The following NALF1 variants were observed in gnomAD, a reference collection of about 807,000 sequenced individuals.
NALF1 encodes the protein NALCN channel auxiliary factor 1, also known as family with sequence similarity 155 member A.
In NALF1, 3 loss-of-function variants were observed where a neutral mutation model predicts 48.4. The observed-to-expected ratio is 0.06, with a 90% confidence interval of 0.03 to 0.16. The LOEUF (loss-of-function observed/expected upper bound fraction) is 0.16, where lower values mean the gene tolerates loss of function less well. NALF1 is among the 10% of genes least tolerant of loss of function. The probability of loss-of-function intolerance (pLI) is 1.00; values close to 1 mark genes in which losing one functional copy is unlikely to be tolerated. For missense variants in NALF1, 526 were observed against 571.5 expected (o/e 0.92, Z 0.81); for synonymous variants, 262 against 245.7 (o/e 1.07, Z -0.62).
At chr13:107,784,070 C>T (rs372469371) in intron 1 of NALF1, among the ~76,000 whole-genome samples, 2 of 152,006 alleles carry the variant, frequency 1.3e-5, no homozygotes, top group African/African-American at 4.8e-5. Flanking sequence ...TGAAGAGGTG[C>T]CAGCTGTAGA....
intron 1 of NALF1, among the ~76,000 whole-genome samples, chr13:107,838,933 T>C (rs1253140668): frequency 2.0e-5 from 3 of 152,136 alleles, no homozygotes; most frequent in Non-Finnish European, 4.4e-5. Context: ...GGATTAACAG[T>C]TCTTCTTCAC....
rs79364707 is a variant in NALF1 at position 107,471,172 on chromosome 13, G to A, written c.916-260417C>T. Among the ~76,000 whole-genome samples, 20 of 152,256 alleles carry A rather than the reference G, an allele frequency of 1.3e-4. No individual in the cohort carries two copies. The East Asian group carries it at 2.7e-3, about 21-fold the overall frequency. On this transcript the variant is annotated intron_variant, in intron 1 of 2. Transcript: ENST00000375915. ...TGTATAACTTATGGCATGTGTGTGCGCATAACGCTATTTATTGCCGTAACC... is the reference window on the plus strand; with the variant it reads ...TGTATAACTTATGGCATGTGTGTGCACATAACGCTATTTATTGCCGTAACC...
At chr13:107,486,693 A>T (rs937670384) in intron 1 of NALF1, among the ~76,000 whole-genome samples, 1 of 152,164 alleles carries the variant, frequency 6.6e-6, no homozygotes, top group Non-Finnish European at 1.5e-5. Flanking sequence ...AATTTCTTAC[A>T]TCTTCTTTCC....
chr13:107,229,321 A>C (rs1880172130), intron 1 of NALF1, among the ~76,000 whole-genome samples: 1 of 152,112 alleles, frequency 6.6e-6, no homozygotes, highest in African/African-American at 2.4e-5. Context: ...GGGGCTGGAG[A>C]AAGGCACTTT....
chr13:107,285,001 A>G (rs956589200), intron 1 of NALF1, among the ~76,000 whole-genome samples: 1 of 152,208 alleles, frequency 6.6e-6, no homozygotes, highest in African/African-American at 2.4e-5. Flanking sequence ...ATTCACTAGG[A>G]AAGTTCAACA....
At position 107,783,771 on chromosome 13, in the gene NALF1, T is replaced by C. The variant is rs559939496; in HGVS notation, c.915+81911A>G. 2.0e-4 allele frequency among the ~76,000 whole-genome samples: 30 copies of C among 151,766 alleles called. 1 individual carries two copies. The East Asian group carries it at 4.5e-3, about 23-fold the overall frequency. On this transcript the variant is annotated intron_variant, in intron 1 of 2. Transcript: ENST00000375915. ...TGCCTAGGAAAACCAGAGACCTTTG[T>C]TCACTTGTTTATCTGCTGACCTTCC...
In NALF1 at chr13:107,663,523, G is replaced by A. The variant is rs113673814; in HGVS notation, c.915+202159C>T. The stretch of plus-strand genomic sequence containing the variant: ...CCTGCAGAAGCCTGTCAAGATAATC[G>A]TATTTTCATGTGTTTTGTTTTGTTG... On this transcript the variant is annotated intron_variant, in intron 1 of 2. Transcript: ENST00000375915. Among the ~76,000 whole-genome samples the A allele has an allele frequency of 6.5e-3, 991 of 152,252 alleles. 9 individuals carry two copies. The highest frequency in any genetic ancestry group is 0.014 in the Middle Eastern group (4 of 294).
intron 1 of NALF1, among the ~76,000 whole-genome samples, chr13:107,302,913 T>C (rs759744377): frequency 1.3e-5 from 2 of 152,180 alleles, no homozygotes; most frequent in Admixed American, 6.6e-5. Context: ...CATTGTTAGC[T>C]TGAAGAATGT....
At chr13:107,624,451 T>G (rs1197511080) in intron 1 of NALF1, among the ~76,000 whole-genome samples, 2 of 152,156 alleles carry the variant, frequency 1.3e-5, no homozygotes, top group Non-Finnish European at 2.9e-5. Context: ...TCTGTAGTTC[T>G]GGAAAAAACC....
chr13:107,751,931 T>TAAATTGGA, intron 1 of NALF1, among the ~76,000 whole-genome samples: 1 of 152,252 alleles, frequency 6.6e-6, no homozygotes, highest in South Asian at 2.1e-4. Context: ...CCTCTGCTTA[T>TAAATTGGA]ATTAATAAAA....
intron 1 of NALF1, among the ~76,000 whole-genome samples, chr13:107,638,201 A>ATATATATATATATATG (rs372122331): frequency 1.8e-5 from 2 of 110,848 alleles, no homozygotes; most frequent in African/African-American, 2.8e-5. Context: ...ATATATATAT[A>ATATATATATATATATG]TATATAATTT....
chr13:107,444,602 C>T (rs1302384257), intron 1 of NALF1, among the ~76,000 whole-genome samples: 2 of 152,134 alleles, frequency 1.3e-5, no homozygotes, highest in East Asian at 1.9e-4. Context: ...CAATCCCTTA[C>T]TTGTTTTGAC....
At chr13:107,773,415 C>T (rs1444086457) in intron 1 of NALF1, among the ~76,000 whole-genome samples, 4 of 151,984 alleles carry the variant, frequency 2.6e-5, no homozygotes, top group African/African-American at 4.8e-5. Context: ...TATGGCTAGA[C>T]CTCAAGTTAT....
chr13:107,616,910 C>T (rs985473541), intron 1 of NALF1, among the ~76,000 whole-genome samples: 2 of 152,078 alleles, frequency 1.3e-5, no homozygotes, highest in Non-Finnish European at 2.9e-5. Context: ...CAGAAATAAC[C>T]GCTAGGTAAG....
chr13:107,511,545 C>T lies in NALF1; in HGVS notation c.916-300790G>A, dbSNP rs189156894. ...ATGATAATATTTAACAAGTCTGCTACGGTGAGCTCAGTCCTAAGTGCCTTA... is the reference window on the plus strand; with the variant it reads ...ATGATAATATTTAACAAGTCTGCTATGGTGAGCTCAGTCCTAAGTGCCTTA... On this transcript the variant is annotated intron_variant, in intron 1 of 2. Transcript: ENST00000375915. Among the ~76,000 whole-genome samples the T allele has an allele frequency of 5.9e-5, 9 of 152,208 alleles. No homozygotes were observed. The East Asian group carries it at 1.2e-3, about 20-fold the overall frequency.
chr13:107,309,072 T>C (rs1484094482), intron 1 of NALF1, among the ~76,000 whole-genome samples: 1 of 152,224 alleles, frequency 6.6e-6, no homozygotes, highest in Non-Finnish European at 1.5e-5. Context: ...GAAATGTACC[T>C]GTCTATTTGT....
rs1399947285 is a variant in NALF1 at position 107,865,842 on chromosome 13, A to G, written c.755T>C (p.Leu252Pro). The change falls in exon 1 of 3, where the codon CTC (leucine) becomes CCC (proline). Residue 252 changes from leucine to proline, a missense_variant. By Grantham distance (98) the Leu-to-Pro change is moderately conservative. Coordinates refer to ENST00000375915, the MANE Select transcript of NALF1 (RefSeq NM_001080396.3). ...AGTGGTCATCTCGCCGCCTTCCTTGAGCACCACATCCAGACTGCAGTTCAA... is the reference window on the plus strand; with the variant it reads ...AGTGGTCATCTCGCCGCCTTCCTTGGGCACCACATCCAGACTGCAGTTCAA... ...NTLNCSLDVV[L>P]KEGGEMTTCR... The G allele has an allele frequency of 1.2e-6, 2 of 1,614,034 alleles. No individual in the cohort carries two copies. The highest frequency in any genetic ancestry group is 8.5e-7 in the Non-Finnish European group (1 of 1,180,018).
intron 1 of NALF1, among the ~76,000 whole-genome samples, chr13:107,593,482 A>C (rs1024995971): frequency 2.6e-5 from 4 of 151,766 alleles, no homozygotes; most frequent in Non-Finnish European, 3.0e-5. Flanking sequence ...AATTTCCCAG[A>C]AGAAATAAGC....
At chr13:107,853,349 AAATT>A (rs1880365953) in intron 1 of NALF1, among the ~76,000 whole-genome samples, 2 of 152,216 alleles carry the variant, frequency 1.3e-5, no homozygotes, top group African/African-American at 4.8e-5. Context: ...TAGCCCCAGA[AAATT>A]AATTGACAAA....
Sources: allele counts gnomAD v4.1 joint callset (sites outside exome capture counted in the v4.1 genomes callset), GRCh38; gene constraint gnomAD v4.1.1; transcripts MANE v1.5; gene names NCBI Gene and HGNC (gene_info 2026-07-23, HGNC 2026-07-21).